The following ERICH3 variants were observed in gnomAD, a reference collection of about 807,000 sequenced individuals.
ERICH3 encodes the protein glutamate-rich protein 3.
A neutral mutation model predicts 131.1 loss-of-function variants in ERICH3; 126 were observed. That is an observed-to-expected ratio of 0.96 (90% confidence interval 0.83 to 1.11). The LOEUF (loss-of-function observed/expected upper bound fraction) is 1.11, where lower values mean the gene tolerates loss of function less well. Among genes scored for constraint, ERICH3 ranks in the 50% most tolerant of loss-of-function variants. ERICH3 has a pLI of 0.00. For missense variants in ERICH3, 2,050 were observed against 1,810.7 expected (o/e 1.13, Z -2.40); for synonymous variants, 695 against 644.6 (o/e 1.08, Z -1.18).
rs763433482 is a variant in ERICH3 at position 74,576,797 on chromosome 1, A to G, written c.2218+98T>C. 1.8e-5 allele frequency: 19 copies of G among 1,051,502 alleles called. No homozygotes were observed. The Middle Eastern group carries it at 3.6e-3, about 198-fold the overall frequency. 65.1% of individuals were successfully genotyped at this position (1,051,502 alleles called of 1,614,324 possible). ...AAAAGTCATTCAATAAATACTAGAAAGCCTAGTGATTTCAAGAACATGGGA... is the reference window on the plus strand; with the variant it reads ...AAAAGTCATTCAATAAATACTAGAAGGCCTAGTGATTTCAAGAACATGGGA... On this transcript the variant is annotated intron_variant, in intron 13 of 14. Transcript: ENST00000326665.
At chr1:74,606,994 A>G (rs1379015638) in intron 9 of ERICH3, 92 bp from the exon 10 acceptor site, 1 of 1,192,776 alleles carries the variant, frequency 8.4e-7, no homozygotes, top group Admixed American at 2.5e-5. Flanking sequence ...CTCTTATTCC[A>G]GTAAAAAAAG....
At chr1:74,605,996 A>G (rs1423878217) in intron 10 of ERICH3, among the ~76,000 whole-genome samples, 1 of 109,888 alleles carries the variant, frequency 9.1e-6, no homozygotes, top group African/African-American at 3.6e-5. Context: ...ATATATATGA[A>G]TGCGCGTGTG....
chr1:74,607,179 G>A (rs2100589189), intron 9 of ERICH3, among the ~76,000 whole-genome samples: 1 of 152,040 alleles, frequency 6.6e-6, no homozygotes, highest in Non-Finnish European at 1.5e-5. Flanking sequence ...AAGAACTATA[G>A]TTTCAAACTA....
intron 2 of ERICH3, 146 bp downstream of exon 2, chr1:74,649,075 AT>A (rs1646509743): frequency 3.7e-6 from 2 of 546,594 alleles, no homozygotes; most frequent in Admixed American, 7.0e-5. Context: ...ACAACCTCAA[AT>A]ACATAAATCA....
chr1:74,570,592 A>T (rs1008762319), intron 14 of ERICH3, among the ~76,000 whole-genome samples, 153 bp from the exon 15 acceptor site: 2 of 152,246 alleles, frequency 1.3e-5, no homozygotes, highest in African/African-American at 4.8e-5. Flanking sequence ...ATATACTTAA[A>T]TATTTTACGT....
chr1:74,579,996 C>T (rs1445322767), intron 12 of ERICH3: 6 of 622,938 alleles, frequency 9.6e-6, no homozygotes, highest in Non-Finnish European at 1.2e-5. Context: ...ACAATGTCAG[C>T]TTTTTAGTAT....
intron 1 of ERICH3, among the ~76,000 whole-genome samples, chr1:74,668,148 G>C (rs936388499): frequency 7.2e-5 from 11 of 152,136 alleles, no homozygotes; most frequent in Admixed American, 5.2e-4. Context: ...CTTTATAGCA[G>C]TGTAAGAATG....
chr1:74,667,301 T>C (rs943043756), intron 1 of ERICH3, among the ~76,000 whole-genome samples: 3 of 152,190 alleles, frequency 2.0e-5, no homozygotes, highest in African/African-American at 7.2e-5. Flanking sequence ...TTAGATTTTT[T>C]GTTTTCGCAA....
chr1:74,593,910 A>G (rs1647722585), intron 11 of ERICH3, among the ~76,000 whole-genome samples: 1 of 152,128 alleles, frequency 6.6e-6, no homozygotes, highest in Non-Finnish European at 1.5e-5. Context: ...GACAGGAAGT[A>G]CCCACAGCCA....
At chr1:74,657,929 G>A (rs1357101482) in intron 1 of ERICH3, among the ~76,000 whole-genome samples, 2 of 152,160 alleles carry the variant, frequency 1.3e-5, no homozygotes, top group African/African-American at 4.8e-5. Context: ...TAATGAGGCT[G>A]TTCAGAGGAA....
intron 12 of ERICH3, chr1:74,579,391 A>G (rs765078561): frequency 1.1e-4 from 104 of 985,198 alleles, no homozygotes; most frequent in Non-Finnish European, 1.2e-4. Flanking sequence ...ATCATCTGAA[A>G]ATTAAAACTC....
chr1:74,623,525 A>C (rs1466192682), intron 7 of ERICH3: 1 of 152,174 alleles, frequency 6.6e-6, no homozygotes, highest in African/African-American at 2.4e-5. Context: ...CATGAAATTT[A>C]TCATCCAAAC....
At position 74,608,448 on chromosome 1, in the gene ERICH3, G is replaced by T. The variant is rs537367058; in HGVS notation, c.1188-1546C>A. ...AAGACTTGCTAGTCCCAGAAGAATAGAAATAATATGTAAAATCTCAAAAAT... is the reference window on the plus strand; with the variant it reads ...AAGACTTGCTAGTCCCAGAAGAATATAAATAATATGTAAAATCTCAAAAAT... On this transcript the variant is annotated intron_variant, in intron 9 of 14. Transcript: ENST00000326665. Among the ~76,000 whole-genome samples, 3 of 152,042 alleles carry T rather than the reference G, an allele frequency of 2.0e-5. No individual in the cohort carries two copies. In the East Asian group the frequency reaches 5.8e-4, roughly 30 times the overall value.
At chr1:74,585,179 C>A (rs1647272981) in intron 12 of ERICH3, among the ~76,000 whole-genome samples, 1 of 152,100 alleles carries the variant, frequency 6.6e-6, no homozygotes, top group African/African-American at 2.4e-5. Flanking sequence ...ACTATTAGAA[C>A]ATATTGCCAA....
chr1:74,626,579 TA>T (rs1649423062), intron 7 of ERICH3, among the ~76,000 whole-genome samples: 1 of 152,214 alleles, frequency 6.6e-6, no homozygotes, highest in Non-Finnish European at 1.5e-5. Context: ...TTCCCTTTTA[TA>T]AAAGCTATAT....
At chr1:74,578,762 A>T (rs1475914492) in intron 12 of ERICH3, among the ~76,000 whole-genome samples, 1 of 149,862 alleles carries the variant, frequency 6.7e-6, no homozygotes, top group African/African-American at 2.5e-5. Flanking sequence ...TAACGGATTT[A>T]CTTTGAGAAA....
At chr1:74,598,897 A>G (rs187720345) in intron 11 of ERICH3, among the ~76,000 whole-genome samples, 1 of 151,908 alleles carries the variant, frequency 6.6e-6, no homozygotes, top group Non-Finnish European at 1.5e-5. Context: ...AATCTAGCCT[A>G]AAGATACAGA....
intron 7 of ERICH3, among the ~76,000 whole-genome samples, chr1:74,629,875 A>G (rs1649535123): frequency 6.6e-6 from 1 of 152,172 alleles, no homozygotes; most frequent in African/African-American, 2.4e-5. Context: ...AAGCAGGGAC[A>G]TAGTTCACAG....
At chr1:74,649,669 A>G (rs575505805) in intron 1 of ERICH3, among the ~76,000 whole-genome samples, 8 of 152,274 alleles carry the variant, frequency 5.3e-5, no homozygotes, top group African/African-American at 1.4e-4. Context: ...TGGAGGCCTG[A>G]TGGGAAAGCA....
Sources: gnomAD v4.1 joint callset for allele counts (sites outside exome capture counted in the v4.1 genomes callset) on GRCh38, gnomAD v4.1.1 for gene constraint, MANE v1.5 for transcripts, NCBI Gene and HGNC (gene_info 2026-07-23, HGNC 2026-07-21) for gene names.